Variants in INPP4B observed in about 807,000 individuals in gnomAD.
INPP4B encodes inositol polyphosphate 4-phosphatase type II.
In INPP4B, 55 loss-of-function variants were observed where a neutral mutation model predicts 122.5. The observed-to-expected ratio is 0.45, with a 90% CI of 0.36 to 0.56. INPP4B has a LOEUF of 0.56. Ranked by LOEUF, INPP4B falls within the 20% of genes least tolerant of loss-of-function variation. INPP4B has a pLI of 0.00. For missense variants in INPP4B, 1,000 were observed against 1,097.7 expected, an observed-to-expected ratio of 0.91 and a Z score of 1.26; for synonymous variants, 403 against 388.7, an observed-to-expected ratio of 1.04 and a Z score of -0.43.
At chr4:142,328,773 G>A (rs1773372823) in intron 7 of INPP4B, among the ~76,000 whole-genome samples, 1 of 152,070 alleles carries the variant, frequency 6.6e-6, no homozygotes, top group South Asian at 2.1e-4. Context: ...AATATTCATA[G>A]TTAATATAAC....
intron 2 of INPP4B, among the ~76,000 whole-genome samples, chr4:142,520,935 A>G (rs1223597271): frequency 6.6e-6 from 1 of 151,864 alleles, no homozygotes; most frequent in Non-Finnish European, 1.5e-5. Flanking sequence ...TGTTCCTTAG[A>G]TTTGCTTTTT....
intron 14 of INPP4B, among the ~76,000 whole-genome samples, chr4:142,200,591 T>C (rs1320278291): frequency 6.6e-6 from 1 of 152,024 alleles, no homozygotes. Flanking sequence ...TTTTATAATT[T>C]TATTGATCAC....
At chr4:142,261,496 A>G (rs1739977316) in intron 10 of INPP4B, among the ~76,000 whole-genome samples, 2 of 152,252 alleles carry the variant, frequency 1.3e-5, no homozygotes, top group South Asian at 4.1e-4. Flanking sequence ...AAACATACAC[A>G]CAAAAATTGC....
intron 25 of INPP4B, among the ~76,000 whole-genome samples, chr4:142,039,731 A>C (rs900885208): frequency 6.6e-6 from 1 of 152,186 alleles, no homozygotes; most frequent in African/African-American, 2.4e-5. Flanking sequence ...TCAAGTCTAC[A>C]GAGAAATATC....
At chr4:142,454,432 C>A (rs1402804718) in intron 3 of INPP4B, among the ~76,000 whole-genome samples, 1 of 152,104 alleles carries the variant, frequency 6.6e-6, no homozygotes, top group African/African-American at 2.4e-5. Flanking sequence ...TTCTTTCCCA[C>A]TTCATGAACT....
At chr4:142,841,522 A>G (rs147297161) in intron 1 of INPP4B, among the ~76,000 whole-genome samples, 2 of 152,066 alleles carry the variant, frequency 1.3e-5, no homozygotes, top group African/African-American at 4.8e-5. Flanking sequence ...TTAATGCACT[A>G]CAACTATCTA....
At chr4:142,491,648 C>T (rs953229509) in intron 2 of INPP4B, among the ~76,000 whole-genome samples, 7 of 152,060 alleles carry the variant, frequency 4.6e-5, no homozygotes, top group African/African-American at 1.7e-4. Flanking sequence ...CAGAGTGAGA[C>T]TTCATGTCAA....
intron 5 of INPP4B, among the ~76,000 whole-genome samples, chr4:142,416,127 C>T (rs1805716413): frequency 6.6e-6 from 1 of 151,986 alleles, no homozygotes; most frequent in Admixed American, 6.6e-5. Flanking sequence ...ACGTTGTGCA[C>T]ATGTACCCTA....
chr4:142,707,554 G>A (rs1328581164), intron 2 of INPP4B, among the ~76,000 whole-genome samples: 4 of 152,166 alleles, frequency 2.6e-5, no homozygotes, highest in Non-Finnish European at 4.4e-5. Context: ...GTTTAAAAGT[G>A]TGTAGCACCT....
chr4:142,734,249 G>A (rs139242869), intron 1 of INPP4B, among the ~76,000 whole-genome samples: 75 of 152,268 alleles, frequency 4.9e-4, no homozygotes, highest in African/African-American at 1.7e-3. Context: ...AAGGTGGGAG[G>A]CCTTGGGAGA....
At chr4:142,250,535 T>C (rs1358204298) in intron 11 of INPP4B, among the ~76,000 whole-genome samples, 1 of 152,178 alleles carries the variant, frequency 6.6e-6, no homozygotes, top group Admixed American at 6.5e-5. Flanking sequence ...TGAGTTTAGA[T>C]AGATAGATAA....
At chr4:142,406,898 A>ATGGCTTCAT (rs1436078323) in intron 5 of INPP4B, among the ~76,000 whole-genome samples, 24 of 152,234 alleles carry the variant, frequency 1.6e-4, no homozygotes, top group African/African-American at 5.5e-4. Flanking sequence ...CATTACTAGA[A>ATGGCTTCAT]TTCTCTGGTA....
At chr4:142,427,854 C>CCT (rs915847808) in intron 5 of INPP4B, among the ~76,000 whole-genome samples, 1 of 151,856 alleles carries the variant, frequency 6.6e-6, no homozygotes, top group African/African-American at 2.4e-5. Context: ...GTGAAGAGTG[C>CCT]CTAGCCTTTC....
intron 1 of INPP4B, among the ~76,000 whole-genome samples, chr4:142,838,109 A>C (rs1227728562): frequency 6.6e-6 from 1 of 152,016 alleles, no homozygotes; most frequent in African/African-American, 2.4e-5. Context: ...AGTAAGACTC[A>C]ATCAATAATT....
intron 2 of INPP4B, among the ~76,000 whole-genome samples, chr4:142,532,223 T>A (rs748203070): frequency 2.0e-4 from 31 of 152,218 alleles, no homozygotes; most frequent in Non-Finnish European, 4.1e-4. Flanking sequence ...GGCCTGCATA[T>A]GCCTGCAGTT....
intron 25 of INPP4B, among the ~76,000 whole-genome samples, chr4:142,034,196 T>G (rs1742324279): frequency 6.6e-6 from 1 of 152,194 alleles, no homozygotes; most frequent in Non-Finnish European, 1.5e-5. Context: ...ATCATTTATC[T>G]TTAAGGCAGT....
intron 2 of INPP4B, chr4:142,560,782 T>C (rs1389745121): frequency 1.3e-5 from 2 of 152,268 alleles, no homozygotes; most frequent in East Asian, 1.9e-4. Flanking sequence ...CCTACCCAGA[T>C]TGAACGTGTG....
chr4:142,743,523 G>GT (rs1768203041), intron 1 of INPP4B, among the ~76,000 whole-genome samples: 1 of 151,876 alleles, frequency 6.6e-6, no homozygotes, highest in Non-Finnish European at 1.5e-5. Context: ...ATGCATGAGA[G>GT]ATGTTAGAGA....
At chr4:142,488,837 T>C (rs569544194) in intron 2 of INPP4B, among the ~76,000 whole-genome samples, 9 of 152,106 alleles carry the variant, frequency 5.9e-5, no homozygotes, top group Non-Finnish European at 1.3e-4. Context: ...TCCAGTCTTT[T>C]ATTTTTTTTC....
Sources: gnomAD v4.1 joint callset for allele counts (sites outside exome capture counted in the v4.1 genomes callset) on GRCh38, gnomAD v4.1.1 for gene constraint, MANE v1.5 for transcripts, NCBI Gene and HGNC (gene_info 2026-07-23, HGNC 2026-07-21) for gene names.